RPP14: variants seen among roughly 807,000 people sequenced by gnomAD.
The protein encoded by RPP14 is ribonuclease P/MRP subunit p14.
In RPP14, 19 loss-of-function variants were observed where a neutral mutation model predicts 17.8. That is an observed-to-expected ratio of 1.07 (90% CI 0.74 to 1.57). The LOEUF is 1.57. Among genes scored for constraint, RPP14 ranks in the 40% most tolerant of loss-of-function variants. The pLI is 0.00. For missense variants in RPP14, 125 were observed against 140.8 expected (o/e 0.89, Z 0.57); for synonymous variants, 60 against 56.4 (o/e 1.06, Z -0.29).
intron 1 of RPP14, among the ~76,000 whole-genome samples, chr3:58,308,913 A>G (rs1007129797): frequency 2.0e-5 from 3 of 152,264 alleles, no homozygotes; most frequent in South Asian, 2.1e-4. Flanking sequence ...CCAGAGGGAG[A>G]GCAAGGTTGG....
intron 3 of RPP14, among the ~76,000 whole-genome samples, chr3:58,312,213 T>C (rs2097482978): frequency 1.3e-5 from 2 of 152,198 alleles, no homozygotes; most frequent in Non-Finnish European, 1.5e-5. Context: ...ACATTTACAT[T>C]CCTCCCAGTA....
At chr3:58,314,675 A>ATTTT (rs751757663) in intron 3 of RPP14, among the ~76,000 whole-genome samples, 8,886 of 90,678 alleles carry the variant, frequency 0.098, 825 homozygotes, top group East Asian at 0.16. Context: ...GTTTGGCAGT[A>ATTTT]TTTTTTTTTT....
At position 58,310,548 on chromosome 3, in the gene RPP14, T is replaced by G. The variant is rs771958530; in HGVS notation, c.119T>G (p.Phe40Cys). Residue 40 changes from phenylalanine (F) to cysteine (C), a missense_variant, in exon 3 of 6, where the codon TTC (phenylalanine) becomes TGC (cysteine). Phe to Cys is a radical substitution (Grantham distance 205). Coordinates refer to ENST00000295959, the MANE Select transcript of RPP14 (RefSeq NM_007042.6). ...DCGVGLNAAQFKQLLISAVKD... is the reference protein window; with the variant it reads ...DCGVGLNAAQCKQLLISAVKD... ...GGAGTTGGACTGAATGCTGCACAGT[T>G]CAAACAGCTGCTTATTTCGGCTGTG... The G allele has an allele frequency of 9.9e-6, 16 of 1,613,366 alleles. No homozygotes were observed. The highest frequency in any genetic ancestry group is 1.4e-5 in the Non-Finnish European group (16 of 1,179,766).
intron 3 of RPP14, among the ~76,000 whole-genome samples, chr3:58,312,472 GCAGAAGTAAACTTT>G (rs2097483397): frequency 6.6e-6 from 1 of 151,786 alleles, no homozygotes; most frequent in Non-Finnish European, 1.5e-5. Flanking sequence ...GTTTGAAATT[GCAGAAGTAAACTTT>G]CAGAAGTGAT....
chr3:58,315,987 A>G (rs981464016), intron 3 of RPP14, among the ~76,000 whole-genome samples: 30 of 152,058 alleles, frequency 2.0e-4, no homozygotes, highest in Non-Finnish European at 4.0e-4. Context: ...ATCCCTGTAC[A>G]TTTCTTTGTG....
At chr3:58,311,492 T>G (rs1015011411) in intron 3 of RPP14, among the ~76,000 whole-genome samples, 81 of 152,196 alleles carry the variant, frequency 5.3e-4, no homozygotes, top group Non-Finnish European at 5.9e-4. Context: ...AGTGAGAACA[T>G]GCAACAGTTG....
Position 58,318,068 on chromosome 3 carries a change from C to CT in RPP14, c.*573dup. 1.5e-6 allele frequency: 1 copy of CT among 685,624 alleles called. No individual in the cohort carries two copies. The allele number at this position is 685,624 out of a possible 1,614,324, so 42.5% of individuals were successfully genotyped here. On this transcript the variant is annotated 3_prime_UTR_variant, in exon 6 of 6. Coordinates refer to ENST00000295959, the MANE Select transcript of RPP14 (RefSeq NM_007042.6). ...TGTTCTGTAATAGAAAGTAAAAAGA[C>CT]TGTTATGGAAGGCTGGGTTAAAGTT...
intron 1 of RPP14, among the ~76,000 whole-genome samples, chr3:58,308,922 G>A (rs118086750): frequency 6.6e-6 from 1 of 152,366 alleles, no homozygotes; most frequent in East Asian, 1.9e-4. Context: ...GAGCAAGGTT[G>A]GCATGGAGCC....
chr3:58,307,896 G>A (rs2097477348), intron 1 of RPP14: 1 of 148,680 alleles, frequency 6.7e-6, no homozygotes, highest in Non-Finnish European at 1.5e-5. Flanking sequence ...CAAAAAATAC[G>A]TGACATAAAA....
chr3:58,315,267 G>A (rs1047217524), intron 3 of RPP14, among the ~76,000 whole-genome samples: 2 of 151,966 alleles, frequency 1.3e-5, no homozygotes, highest in Admixed American at 6.6e-5. Context: ...ATTATGCTGA[G>A]CGAAAAAAAG....
chr3:58,309,119 G>A (rs765808697), intron 1 of RPP14, among the ~76,000 whole-genome samples: 1 of 152,248 alleles, frequency 6.6e-6, no homozygotes, highest in African/African-American at 2.4e-5. Flanking sequence ...GCAGACACAG[G>A]ATGGGAGGAG....
At chr3:58,309,819 G>A (rs998884790) in intron 1 of RPP14, among the ~76,000 whole-genome samples, 1 of 151,830 alleles carries the variant, frequency 6.6e-6, no homozygotes, top group Non-Finnish European at 1.5e-5. Flanking sequence ...TTGAATCCGC[G>A]AGGCAGAGGT....
intron 3 of RPP14, among the ~76,000 whole-genome samples, chr3:58,314,653 C>A (rs569217847): frequency 1.4e-5 from 2 of 147,960 alleles, no homozygotes; most frequent in Non-Finnish European, 3.0e-5. Context: ...GGTGCAGCCA[C>A]TCTGGAACAT....
chr3:58,307,342 C>A (rs538235812), intron 1 of RPP14, among the ~76,000 whole-genome samples: 2 of 152,138 alleles, frequency 1.3e-5, no homozygotes, highest in Non-Finnish European at 2.9e-5. Flanking sequence ...CACTGGCCGC[C>A]GTAGGGATGG....
At chr3:58,313,929 G>A (rs528949582) in intron 3 of RPP14, among the ~76,000 whole-genome samples, 102 of 152,370 alleles carry the variant, frequency 6.7e-4, no homozygotes, top group African/African-American at 1.9e-3. Context: ...GCTCATGCCC[G>A]TAATCCCAAC....
chr3:58,313,361 CCA>C (rs2097484561), intron 3 of RPP14, among the ~76,000 whole-genome samples: 2 of 152,212 alleles, frequency 1.3e-5, no homozygotes, highest in South Asian at 4.1e-4. Context: ...TTGTCATAGA[CCA>C]GCATTTTAAG....
chr3:58,317,182 A>C (rs2097489174), intron 5 of RPP14, among the ~76,000 whole-genome samples, 189 bp downstream of exon 5: 1 of 152,216 alleles, frequency 6.6e-6, no homozygotes, highest in African/African-American at 2.4e-5. Flanking sequence ...AATCTATGGG[A>C]GATGTTTTGG....
chr3:58,315,008 C>T (rs1469954678), intron 3 of RPP14, among the ~76,000 whole-genome samples: 1 of 152,100 alleles, frequency 6.6e-6, no homozygotes, highest in Non-Finnish European at 1.5e-5. Context: ...ACAAACTAAA[C>T]GTGCATCTGC....
At chr3:58,316,721 G>A (rs1028900001) in intron 4 of RPP14, 130 bp downstream of exon 4, 18 of 917,952 alleles carry the variant, frequency 2.0e-5, no homozygotes, top group Non-Finnish European at 2.9e-5. Context: ...ATTTAAACTG[G>A]GATGAATATG....
Sources: gnomAD v4.1 joint callset for allele counts (sites outside exome capture counted in the v4.1 genomes callset) on GRCh38, gnomAD v4.1.1 for gene constraint, MANE v1.5 for transcripts, NCBI Gene and HGNC (gene_info 2026-07-23, HGNC 2026-07-21) for gene names.